Variants in IMMP2L observed in about 807,000 individuals in gnomAD.
IMMP2L encodes inner mitochondrial membrane peptidase subunit 2.
IMMP2L carries 18 observed loss-of-function variants against 19.3 expected under a neutral mutation model. The ratio of observed to expected loss-of-function variants is 0.93; its 90% confidence interval spans 0.64 to 1.38. The LOEUF (loss-of-function observed/expected upper bound fraction) is 1.38, where lower values mean the gene tolerates loss of function less well. IMMP2L is among the 40% of genes most tolerant of loss of function. The pLI is 0.00. For synonymous variants in IMMP2L, 76 were observed against 73.0 expected, an observed-to-expected ratio of 1.04 and a Z score of -0.21; for missense variants, 233 against 218.2, an observed-to-expected ratio of 1.07 and a Z score of -0.43.
At chr7:111,098,852 T>C (rs188190379) in intron 3 of IMMP2L, among the ~76,000 whole-genome samples, 114 of 151,894 alleles carry the variant, frequency 7.5e-4, no homozygotes, top group African/African-American at 2.6e-3. Flanking sequence ...CTCCCGTTGG[T>C]ACTGCCTAAA....
At chr7:111,124,928 T>TAAA in intron 3 of IMMP2L, 1 of 1,198,640 alleles carries the variant, frequency 8.3e-7, no homozygotes, top group South Asian at 2.9e-5. Context: ...ACTCCAAAAA[T>TAAA]GAACAAAAAA....
At chr7:110,848,629 A>G (rs1805902130) in intron 5 of IMMP2L, among the ~76,000 whole-genome samples, 1 of 152,198 alleles carries the variant, frequency 6.6e-6, no homozygotes, top group South Asian at 2.1e-4. Flanking sequence ...AGCTTTATTC[A>G]TAACTTCCAA....
Position 111,016,964 on chromosome 7 carries a change from T to C in IMMP2L, c.240-53399A>G, listed in dbSNP as rs1825766880. 3.3e-5 allele frequency among the ~76,000 whole-genome samples: 4 copies of C among 121,392 alleles called. No homozygotes were observed. The Admixed American group carries it at 4.4e-4, about 13-fold the overall frequency. The allele number at this position is 121,392 out of a possible 152,430, so 79.6% of individuals were successfully genotyped here. A position where few individuals can be genotyped will look rare whatever the true frequency, so the allele number is the denominator to read the frequency against. On this transcript the variant is annotated intron_variant, in intron 3 of 5. Coordinates refer to ENST00000405709, the MANE Select transcript of IMMP2L (RefSeq NM_032549.4). ...ATTACATATATGATATATAATTATA[T>C]GTATAATTATATATACTAATATATA...
chr7:111,306,294 T>G (rs956871001), intron 3 of IMMP2L, among the ~76,000 whole-genome samples: 1 of 152,134 alleles, frequency 6.6e-6, no homozygotes, highest in Non-Finnish European at 1.5e-5. Flanking sequence ...TGAATGCTAA[T>G]GTAAAATGTG....
chr7:111,061,731 A>G (rs1794035700), intron 3 of IMMP2L, among the ~76,000 whole-genome samples: 1 of 152,210 alleles, frequency 6.6e-6, no homozygotes, highest in African/African-American at 2.4e-5. Context: ...TCCAAAACAC[A>G]TCAATTCTCC....
intron 3 of IMMP2L, chr7:111,124,933 A>C (rs1336779552): frequency 3.2e-5 from 13 of 403,030 alleles, no homozygotes; most frequent in Admixed American, 5.5e-5. Flanking sequence ...AAAAATGAAC[A>C]AAAAAAAAAA....
intron 3 of IMMP2L, among the ~76,000 whole-genome samples, chr7:111,010,423 T>C (rs1185242018): frequency 1.3e-5 from 2 of 152,080 alleles, no homozygotes; most frequent in African/African-American, 4.8e-5. Context: ...CACAGATTAG[T>C]ATATTCATTT....
chr7:111,036,472 T>A (rs545846763), intron 3 of IMMP2L, among the ~76,000 whole-genome samples: 2 of 152,330 alleles, frequency 1.3e-5, no homozygotes, highest in African/African-American at 4.8e-5. Flanking sequence ...TGTATTAATA[T>A]GACATTATAA....
intron 3 of IMMP2L, among the ~76,000 whole-genome samples, chr7:111,262,705 T>C (rs1319473074): frequency 1.3e-5 from 2 of 152,156 alleles, no homozygotes; most frequent in Non-Finnish European, 1.5e-5. Flanking sequence ...GTCTAGAGTA[T>C]TAAATGGAGA....
In IMMP2L at chr7:111,562,393, GCGCCCGCCGACCC is replaced by G. The variant is rs1792193249; in HGVS notation, c.-558_-546del. ...GAGACCACCAAGGGTCGGCGGCTAC[GCGCCCGCCGACCC>G]CTGCCAGCCTCACAGCCCCCCACCC... On this transcript the variant is annotated 5_prime_UTR_variant, in exon 1 of 6. Transcript: ENST00000405709. The G allele has an allele frequency of 6.6e-6, 1 of 150,432 alleles. No individual in the cohort carries two copies. The highest frequency in any genetic ancestry group is 2.4e-5 in the African/African-American group (1 of 41,108). The allele number at this position is 150,432 out of a possible 1,614,324, so 9.3% of individuals were successfully genotyped here. A position where few individuals can be genotyped will look rare whatever the true frequency, so the allele number is the denominator to read the frequency against.
intron 3 of IMMP2L, among the ~76,000 whole-genome samples, chr7:111,348,594 C>T (rs1366913248): frequency 6.6e-6 from 1 of 152,078 alleles, no homozygotes; most frequent in Non-Finnish European, 1.5e-5. Context: ...CAAAATTGTC[C>T]TAATAGCAAA....
intron 3 of IMMP2L, among the ~76,000 whole-genome samples, chr7:110,999,070 A>T (rs1293521594): frequency 6.6e-6 from 1 of 152,098 alleles, no homozygotes; most frequent in Non-Finnish European, 1.5e-5. Context: ...AACCTCAAAA[A>T]CAATGCTCCA....
intron 5 of IMMP2L, among the ~76,000 whole-genome samples, chr7:110,688,813 T>C (rs1486364104): frequency 6.6e-6 from 1 of 152,118 alleles, no homozygotes; most frequent in Non-Finnish European, 1.5e-5. Context: ...TAAAAGGATA[T>C]GTATTTGTCC....
chr7:111,120,060 C>T (rs748217556), intron 3 of IMMP2L, among the ~76,000 whole-genome samples: 1 of 152,068 alleles, frequency 6.6e-6, no homozygotes, highest in Non-Finnish European at 1.5e-5. Flanking sequence ...GAGAAGGTTG[C>T]CTGCAGGAAA....
chr7:110,750,522 T>G (rs1797654086), intron 5 of IMMP2L, among the ~76,000 whole-genome samples: 1 of 152,080 alleles, frequency 6.6e-6, no homozygotes, highest in East Asian at 1.9e-4. Flanking sequence ...CTAAATGCCT[T>G]TACTCCTTAT....
intron 3 of IMMP2L, among the ~76,000 whole-genome samples, chr7:111,156,546 C>A (rs1406462932): frequency 6.6e-6 from 1 of 152,206 alleles, no homozygotes; most frequent in East Asian, 1.9e-4. Flanking sequence ...TAAATCTATA[C>A]TCAGTTTGCT....
chr7:111,010,659 CTG>C (rs750948196), intron 3 of IMMP2L, among the ~76,000 whole-genome samples: 18 of 152,142 alleles, frequency 1.2e-4, no homozygotes, highest in Admixed American at 2.0e-4. Context: ...CAGAAAGAAA[CTG>C]GGGTTTGTGG....
In IMMP2L at chr7:110,752,926, A is replaced by C. The variant is rs1372597695; in HGVS notation, c.409-89205T>G. On this transcript the variant is annotated intron_variant, in intron 5 of 5. Coordinates refer to ENST00000405709, the MANE Select transcript of IMMP2L (RefSeq NM_032549.4). ...CTTTCATTTTACCAATGAAGAAGTAAATACAAGAAGAGGTTAAGTAGATTG... is the reference window on the plus strand; with the variant it reads ...CTTTCATTTTACCAATGAAGAAGTACATACAAGAAGAGGTTAAGTAGATTG... Among the ~76,000 whole-genome samples the C allele has an allele frequency of 2.1e-4, 32 of 152,092 alleles. 1 individual carries two copies. The highest frequency in any genetic ancestry group is 2.1e-3 in the Admixed American group (32 of 15,238).
At chr7:110,910,142 T>C (rs769490681) in intron 4 of IMMP2L, among the ~76,000 whole-genome samples, 6 of 152,142 alleles carry the variant, frequency 3.9e-5, no homozygotes, top group Non-Finnish European at 7.4e-5. Flanking sequence ...GAACGATGCA[T>C]GCTAGGCTTG....
Sources: gnomAD v4.1 joint callset for allele counts (sites outside exome capture counted in the v4.1 genomes callset) on GRCh38, gnomAD v4.1.1 for gene constraint, MANE v1.5 for transcripts, NCBI Gene and HGNC (gene_info 2026-07-23, HGNC 2026-07-21) for gene names.